Variants in CNGA3 observed in about 807,000 individuals in gnomAD.
CNGA3 encodes the protein cyclic nucleotide-gated channel alpha-3.
In CNGA3, 42 loss-of-function variants were observed where a neutral mutation model predicts 46.6. The ratio of observed to expected loss-of-function variants is 0.90; its 90% CI spans 0.70 to 1.17. The LOEUF is 1.17. Ranked by LOEUF, CNGA3 falls within the 50% of genes most tolerant of loss-of-function variation. CNGA3 has a pLI of 0.00. For synonymous variants in CNGA3, 394 were observed against 369.4 expected (o/e 1.07, Z -0.76); for missense variants, 893 against 890.7 (o/e 1.00, Z -0.03).
chr2:98,376,206 G>A (rs1460408611), intron 2 of CNGA3, among the ~76,000 whole-genome samples: 1 of 152,108 alleles, frequency 6.6e-6, no homozygotes, highest in Non-Finnish European at 1.5e-5. Flanking sequence ...GCTGACTGTA[G>A]CTGGTGACCA....
chr2:98,392,025 G>A, intron 7 of CNGA3, 55 bp downstream of exon 7: 1 of 1,501,900 alleles, frequency 6.7e-7, no homozygotes, highest in Non-Finnish European at 9.2e-7. Context: ...GAGTGTTCCG[G>A]GAGACCCAGC....
intron 7 of CNGA3, among the ~76,000 whole-genome samples, chr2:98,395,638 T>C (rs1026030722): frequency 1.3e-5 from 2 of 152,196 alleles, no homozygotes; most frequent in African/African-American, 4.8e-5. Context: ...TTTAAAAAAA[T>C]TCAATAGAAT....
chr2:98,369,656 C>T (rs1040296436), intron 1 of CNGA3, among the ~76,000 whole-genome samples: 1 of 152,188 alleles, frequency 6.6e-6, no homozygotes, highest in African/African-American at 2.4e-5. Context: ...CAACTTGGCC[C>T]TTCATTTATT....
intron 1 of CNGA3, among the ~76,000 whole-genome samples, chr2:98,362,173 CT>C (rs1231791527): frequency 0.1 from 9,302 of 89,746 alleles, 141 homozygotes; most frequent in Non-Finnish European, 0.16. Flanking sequence ...CCTTTGCCCA[CT>C]TTTTTTTTTT....
intron 1 of CNGA3, among the ~76,000 whole-genome samples, chr2:98,348,705 T>C (rs1046398159): frequency 7.9e-5 from 12 of 152,218 alleles, no homozygotes; most frequent in Admixed American, 7.9e-4. Context: ...TCTGACCTAA[T>C]GCATTTTGGT....
intron 5 of CNGA3, among the ~76,000 whole-genome samples, chr2:98,384,618 G>A (rs1316305874): frequency 6.6e-6 from 1 of 152,184 alleles, no homozygotes; most frequent in Non-Finnish European, 1.5e-5. Context: ...TATCTACAAA[G>A]CAATAGCTAT....
At chr2:98,393,931 G>A (rs1163303879) in intron 7 of CNGA3, among the ~76,000 whole-genome samples, 1 of 151,608 alleles carries the variant, frequency 6.6e-6, no homozygotes, top group African/African-American at 2.4e-5. Flanking sequence ...AGAACTGGGG[G>A]CTGTGAAGTG....
chr2:98,378,258 T>C (rs1486019390), intron 3 of CNGA3: 1 of 1,529,728 alleles, frequency 6.5e-7, no homozygotes, highest in Non-Finnish European at 8.8e-7. Context: ...TTTGCAAGAT[T>C]AGTGAGACTC....
chr2:98,383,320 C>A lies in CNGA3; in HGVS notation c.396-68C>A. ...TTGGGGGGTGGGGCATGGTAATCCC[C>A]TGGTGAAATGGCCCCAAGGAATGGA... is the stretch of plus-strand genomic sequence containing the variant. On this transcript the variant is annotated intron_variant, in intron 4 of 7. Coordinates refer to ENST00000272602, the MANE Select transcript of CNGA3 (RefSeq NM_001298.3). 2.8e-6 allele frequency: 4 copies of A among 1,453,290 alleles called. No individual in the cohort carries two copies. The Admixed American group carries it at 5.0e-5, about 18-fold the overall frequency. 90.0% of individuals were successfully genotyped at this position (1,453,290 alleles called of 1,614,324 possible).
At chr2:98,386,325 C>G (rs528085384) in intron 5 of CNGA3, among the ~76,000 whole-genome samples, 2 of 152,214 alleles carry the variant, frequency 1.3e-5, no homozygotes, top group Non-Finnish European at 2.9e-5. Context: ...CAAATCTCAT[C>G]TTGAATTGTA....
chr2:98,356,679 A>C (rs1043755117), intron 1 of CNGA3, among the ~76,000 whole-genome samples: 1 of 152,198 alleles, frequency 6.6e-6, no homozygotes, highest in Non-Finnish European at 1.5e-5. Flanking sequence ...AATGTTTCAA[A>C]CCACACAAAT....
Position 98,397,364 on chromosome 2 carries a change from A to C in CNGA3, c.*109A>C. On this transcript the variant is annotated 3_prime_UTR_variant, in exon 8 of 8. Transcript: ENST00000272602. ...TCAGGGTTGAATTCCAGCTCTACTC[A>C]CCCTTTGAAAGCTGTGTGACTGCCT... 8.8e-7 allele frequency: 1 copy of C among 1,133,074 alleles called. No individual in the cohort carries two copies. Among genetic ancestry groups the C allele is most frequent in the Non-Finnish European group, 1.3e-6 (1 of 767,354 alleles). 70.2% of individuals were successfully genotyped at this position (1,133,074 alleles called of 1,614,324 possible).
At chr2:98,347,355 G>A (rs1328738831) in intron 1 of CNGA3, among the ~76,000 whole-genome samples, 3 of 152,202 alleles carry the variant, frequency 2.0e-5, no homozygotes, top group African/African-American at 7.2e-5. Context: ...AAGGCGCCGG[G>A]CTCCCAGCCG....
At chr2:98,354,097 G>A (rs1488154857) in intron 1 of CNGA3, among the ~76,000 whole-genome samples, 1 of 152,178 alleles carries the variant, frequency 6.6e-6, no homozygotes, top group African/African-American at 2.4e-5. Flanking sequence ...ACAACCTCCT[G>A]TGTACTGTAC....
At position 98,380,132 on chromosome 2, in the gene CNGA3, G is replaced by T. The variant is rs190157410; in HGVS notation, c.216-43G>T. The T allele has an allele frequency of 6.8e-6, 11 of 1,609,418 alleles. No individual in the cohort carries two copies. The East Asian group carries it at 2.2e-4, about 33-fold the overall frequency. On this transcript the variant is annotated intron_variant, in intron 3 of 7. Coordinates refer to ENST00000272602, the MANE Select transcript of CNGA3 (RefSeq NM_001298.3). ...AGACTGGGGTTTGGGGGTGTGGGGG[G>T]CTTTTCCTCTCCCTCTGGCTCAGTG... is the stretch of plus-strand genomic sequence containing the variant.
Position 98,389,734 on chromosome 2 carries a change from G to A in CNGA3, c.526G>A (p.Ala176Thr), listed in dbSNP as rs1256677667. Residue 176 changes from alanine to threonine, a missense_variant, in exon 6 of 8, where the codon GCC (alanine) becomes ACC (threonine). Physicochemically the swap from Ala to Thr is moderately conservative, Grantham distance 58 (BLOSUM62 0). Coordinates refer to ENST00000272602, the MANE Select transcript of CNGA3 (RefSeq NM_001298.3). ...NLYYRWLTAIALPVFYNWYLL... is the reference protein window; with the variant it reads ...NLYYRWLTAITLPVFYNWYLL... ...GTACTACCGCTGGCTGACCGCCATC[G>A]CCCTGCCTGTCTTCTATAACTGGTA... 16 of 1,613,540 alleles carry A rather than the reference G, an allele frequency of 9.9e-6. No homozygotes were observed. Among genetic ancestry groups the A allele is most frequent in the Middle Eastern group, 1.8e-4 (1 of 5,518 alleles).
chr2:98,377,807 G>A lies in CNGA3; in HGVS notation c.215+7G>A. The A allele has an allele frequency of 6.2e-7, 1 of 1,607,576 alleles. No individual in the cohort carries two copies. The highest frequency in any genetic ancestry group is 8.5e-7 in the Non-Finnish European group (1 of 1,177,898). Reference sequence around the variant, plus strand: ...CCGGCCAGGGGATCGCCAGGTAACTGACCAGCCTCAGTCCCTACCTTGGCC... The same window carrying A: ...CCGGCCAGGGGATCGCCAGGTAACTAACCAGCCTCAGTCCCTACCTTGGCC... On this transcript the variant is annotated splice_region_variant and intron_variant, in intron 3 of 7. Transcript: ENST00000272602.
chr2:98,385,047 T>C (rs1692621292), intron 5 of CNGA3, among the ~76,000 whole-genome samples: 2 of 152,188 alleles, frequency 1.3e-5, no homozygotes, highest in Non-Finnish European at 2.9e-5. Context: ...CCAGCAGCAT[T>C]TTGCAGTTCT....
At chr2:98,385,081 G>T (rs1692622262) in intron 5 of CNGA3, among the ~76,000 whole-genome samples, 1 of 152,210 alleles carries the variant, frequency 6.6e-6, no homozygotes, top group Non-Finnish European at 1.5e-5. Flanking sequence ...TTGGGGCAGT[G>T]CTGGGTGGAT....
Sources: allele counts gnomAD v4.1 joint callset (sites outside exome capture counted in the v4.1 genomes callset), GRCh38; gene constraint gnomAD v4.1.1; transcripts MANE v1.5; gene names NCBI Gene and HGNC (gene_info 2026-07-23, HGNC 2026-07-21).